ARHGAP23: variants seen among roughly 807,000 people sequenced by gnomAD.
ARHGAP23 encodes rho GTPase-activating protein 23.
A neutral mutation model predicts 136.3 loss-of-function variants in ARHGAP23; 34 were observed. The ratio of observed to expected loss-of-function variants is 0.25; its 90% CI spans 0.19 to 0.33. ARHGAP23 has a LOEUF of 0.33. ARHGAP23 is among the 10% of genes least tolerant of loss of function. The pLI, the probability that ARHGAP23 is intolerant of heterozygous loss-of-function variation, is 1.00. For missense variants in ARHGAP23, 1,808 were observed against 2,139.0 expected, an observed-to-expected ratio of 0.85 and a Z score of 3.05; for synonymous variants, 832 against 920.5, an observed-to-expected ratio of 0.90 and a Z score of 1.74.
intron 15 of ARHGAP23, among the ~76,000 whole-genome samples, 165 bp from the exon 16 acceptor site, chr17:38,482,358 C>T (rs1371549203): frequency 2.0e-5 from 3 of 152,230 alleles, no homozygotes; most frequent in Non-Finnish European, 4.4e-5. Flanking sequence ...CAGACCATGG[C>T]GAGGCTTTGG....
intron 10 of ARHGAP23, among the ~76,000 whole-genome samples, chr17:38,470,186 C>G (rs2039716074): frequency 6.6e-6 from 1 of 152,198 alleles, no homozygotes. Context: ...TCTCCCCTGT[C>G]TTCGCGGCTT....
At chr17:38,502,685 C>T (rs1051396393) in intron 23 of ARHGAP23, among the ~76,000 whole-genome samples, 3 of 152,072 alleles carry the variant, frequency 2.0e-5, no homozygotes, top group Non-Finnish European at 2.9e-5. Flanking sequence ...GTGAGAAGTC[C>T]GATTGTGAAG....
chr17:38,498,577 G>A, intron 22 of ARHGAP23, 67 bp downstream of exon 22: 5 of 1,330,308 alleles, frequency 3.8e-6, no homozygotes, highest in South Asian at 1.5e-5. Flanking sequence ...GGTCCCAGGT[G>A]CCTGGCCAGA....
intron 1 of ARHGAP23, among the ~76,000 whole-genome samples, chr17:38,430,742 C>A (rs904812306): frequency 6.6e-6 from 1 of 152,140 alleles, no homozygotes; most frequent in African/African-American, 2.4e-5. Context: ...CAAGTGGATT[C>A]TTGTGAAGTT....
intron 16 of ARHGAP23, 128 bp downstream of exon 16, chr17:38,482,806 G>A: frequency 8.5e-7 from 1 of 1,180,410 alleles, no homozygotes; most frequent in South Asian, 1.7e-5. Context: ...CATTGGTCCA[G>A]AACACCAAGA....
chr17:38,421,569 G>A (rs1395562488), intron 1 of ARHGAP23, among the ~76,000 whole-genome samples: 1 of 152,228 alleles, frequency 6.6e-6, no homozygotes, highest in Non-Finnish European at 1.5e-5. Context: ...TTTATAGTGC[G>A]TGAGCCGCCG....
intron 19 of ARHGAP23, among the ~76,000 whole-genome samples, chr17:38,491,199 GC>G (rs1268944282): frequency 6.6e-6 from 1 of 152,222 alleles, no homozygotes; most frequent in Non-Finnish European, 1.5e-5. Context: ...GTTGGGCACT[GC>G]TCATGGCTGC....
chr17:38,465,392 T>A (rs535391519), intron 6 of ARHGAP23, among the ~76,000 whole-genome samples: 159 of 151,698 alleles, frequency 1.0e-3, no homozygotes, highest in Non-Finnish European at 1.9e-3. Flanking sequence ...GTGTTTGGTT[T>A]CACCCTCCCA....
At chr17:38,487,570 T>A (rs963897282) in intron 17 of ARHGAP23, among the ~76,000 whole-genome samples, 1 of 152,152 alleles carries the variant, frequency 6.6e-6, no homozygotes, top group Non-Finnish European at 1.5e-5. Flanking sequence ...ATTATAACTA[T>A]TATTGTTACT....
intron 20 of ARHGAP23, among the ~76,000 whole-genome samples, chr17:38,494,567 C>T (rs1567823453): frequency 6.6e-6 from 1 of 152,164 alleles, no homozygotes; most frequent in Non-Finnish European, 1.5e-5. Flanking sequence ...CTGACACACA[C>T]ACACACACAC....
At chr17:38,441,328 C>T (rs1050731669) in intron 1 of ARHGAP23, among the ~76,000 whole-genome samples, 1 of 152,210 alleles carries the variant, frequency 6.6e-6, no homozygotes, top group Non-Finnish European at 1.5e-5. Flanking sequence ...TCAGGGCTGG[C>T]GTACTTCACA....
At chr17:38,458,470 C>T (rs2039383795) in intron 2 of ARHGAP23, among the ~76,000 whole-genome samples, 1 of 152,188 alleles carries the variant, frequency 6.6e-6, no homozygotes. Context: ...TACTGTGTGA[C>T]CGTGGACAAA....
At chr17:38,484,587 A>T (rs1322861911) in intron 16 of ARHGAP23, among the ~76,000 whole-genome samples, 11 of 151,702 alleles carry the variant, frequency 7.3e-5, no homozygotes, top group Admixed American at 7.2e-4. Context: ...TGGAGGAACC[A>T]GGAAGCACTG....
At chr17:38,498,716 G>C (rs892978991) in intron 22 of ARHGAP23, among the ~76,000 whole-genome samples, 51 of 152,202 alleles carry the variant, frequency 3.4e-4, no homozygotes, top group African/African-American at 1.2e-3. Context: ...TGTCTGCGCA[G>C]CTGCCCCGCC....
intron 11 of ARHGAP23, among the ~76,000 whole-genome samples, chr17:38,473,523 G>A (rs73302623): frequency 3.3e-5 from 5 of 152,024 alleles, no homozygotes; most frequent in Non-Finnish European, 7.4e-5. Context: ...GACTAAGGCC[G>A]CCCTGCTCGG....
chr17:38,477,837 C>G lies in ARHGAP23; in HGVS notation c.2377C>G (p.Arg793Gly), dbSNP rs970598752. Residue 793 changes from arginine to glycine, a missense_variant, in exon 12 of 24, where the codon CGG becomes GGG. Physicochemically the swap from Arg to Gly is moderately radical, Grantham distance 125 (BLOSUM62 -2). Coordinates refer to ENST00000622683, the MANE Select transcript of ARHGAP23 (RefSeq NM_001199417.2). This position sits in a 1 kb window ranked among gnomAD's most constrained non-coding sequence, Gnocchi z 6.6. ...FCEYLFQAED[R>G]DDMLGWIRAI... is the part of the protein sequence containing the mutation. The stretch of plus-strand genomic sequence containing the variant: ...TGAATATCTCTTTCAGGCTGAGGAC[C>G]GGGATGACATGCTGGGCTGGATCAG... 1 of 1,549,624 alleles carries G rather than the reference C, an allele frequency of 6.5e-7. No homozygotes were observed. The highest frequency in any genetic ancestry group is 8.7e-7 in the Non-Finnish European group (1 of 1,146,590).
At chr17:38,502,115 C>G (rs2040535392) in intron 23 of ARHGAP23, among the ~76,000 whole-genome samples, 1 of 152,090 alleles carries the variant, frequency 6.6e-6, no homozygotes, top group Non-Finnish European at 1.5e-5. Flanking sequence ...ACCAGCCTGG[C>G]CAACATGGTG....
At chr17:38,446,302 G>A (rs1484069092) in intron 1 of ARHGAP23, among the ~76,000 whole-genome samples, 1 of 151,306 alleles carries the variant, frequency 6.6e-6, no homozygotes, top group Non-Finnish European at 1.5e-5. Flanking sequence ...TGGGATTACA[G>A]GTGTAAGCCA....
chr17:38,483,397 G>C (rs983656492), intron 16 of ARHGAP23, among the ~76,000 whole-genome samples: 169 of 152,260 alleles, frequency 1.1e-3, no homozygotes, highest in African/African-American at 4.0e-3. Flanking sequence ...TTTCCAGCAA[G>C]GCCGGCGATT....
Sources: allele counts gnomAD v4.1 joint callset (sites outside exome capture counted in the v4.1 genomes callset), GRCh38; gene constraint gnomAD v4.1.1; non-coding constraint Gnocchi (gnomAD v3.1); transcripts MANE v1.5; gene names NCBI Gene and HGNC (gene_info 2026-07-23, HGNC 2026-07-21).